The following HHLA2 variants were observed in gnomAD, a reference collection of about 807,000 sequenced individuals.
HHLA2 encodes HHLA2 member of B7 family.
HHLA2 carries 48 observed loss-of-function variants against 45.9 expected under a neutral mutation model. The ratio of observed to expected loss-of-function variants is 1.05; its 90% CI spans 0.83 to 1.33. The LOEUF (loss-of-function observed/expected upper bound fraction) is 1.33, where lower values mean the gene tolerates loss of function less well. Among genes scored for constraint, HHLA2 ranks in the 40% most tolerant of loss-of-function variants. HHLA2 has a pLI of 0.00. For synonymous variants in HHLA2, 161 were observed against 173.9 expected, an observed-to-expected ratio of 0.93 and a Z score of 0.59; for missense variants, 462 against 494.3, an observed-to-expected ratio of 0.93 and a Z score of 0.62.
At chr3:108,343,001 T>C (rs1448981300) in intron 3 of HHLA2, among the ~76,000 whole-genome samples, 1 of 152,174 alleles carries the variant, frequency 6.6e-6, no homozygotes, top group East Asian at 1.9e-4. Flanking sequence ...CAGATGGAGC[T>C]TTCTGAGATT....
chr3:108,311,266 A>G (rs2081014204), intron 2 of HHLA2, among the ~76,000 whole-genome samples: 1 of 152,204 alleles, frequency 6.6e-6, no homozygotes, highest in South Asian at 2.1e-4. Flanking sequence ...AAGTACTGAC[A>G]CAACTTTGCA....
At chr3:108,321,387 T>G (rs1468940439) in intron 2 of HHLA2, among the ~76,000 whole-genome samples, 1 of 152,228 alleles carries the variant, frequency 6.6e-6, no homozygotes, top group Non-Finnish European at 1.5e-5. Context: ...GTTTTTGAGA[T>G]AGTGCATGTC....
chr3:108,371,657 A>G (rs138170706), intron 8 of HHLA2, among the ~76,000 whole-genome samples: 12,098 of 152,222 alleles, frequency 0.079, 658 homozygotes, highest in African/African-American at 0.16. Flanking sequence ...ACAAACAAAA[A>G]AATGCAGGAG....
At chr3:108,336,340 C>T (rs2081471516) in intron 3 of HHLA2, among the ~76,000 whole-genome samples, 1 of 152,056 alleles carries the variant, frequency 6.6e-6, no homozygotes, top group Admixed American at 6.6e-5. Context: ...GAAATACTTT[C>T]CCCACAATTA....
intron 2 of HHLA2, among the ~76,000 whole-genome samples, chr3:108,323,766 T>C (rs952489588): frequency 6.6e-6 from 1 of 152,192 alleles, no homozygotes; most frequent in African/African-American, 2.4e-5. Flanking sequence ...TTTGCTTCCA[T>C]TTTTTAGTAG....
intron 2 of HHLA2, among the ~76,000 whole-genome samples, chr3:108,324,224 G>A (rs1475922144): frequency 1.3e-5 from 2 of 152,088 alleles, no homozygotes; most frequent in Non-Finnish European, 2.9e-5. Flanking sequence ...AGAGGCAGTG[G>A]ACTACATTAA....
chr3:108,366,763 T>C (rs1380245931), intron 8 of HHLA2, among the ~76,000 whole-genome samples: 1 of 152,242 alleles, frequency 6.6e-6, no homozygotes, highest in Admixed American at 6.5e-5. Context: ...TGCTTAGAGG[T>C]GTTTATAGTA....
At chr3:108,314,135 T>G (rs1311286525) in intron 2 of HHLA2, among the ~76,000 whole-genome samples, 2 of 152,172 alleles carry the variant, frequency 1.3e-5, no homozygotes, top group Non-Finnish European at 2.9e-5. Flanking sequence ...TGATTTTTTT[T>G]TATCTTTGTG....
intron 3 of HHLA2, among the ~76,000 whole-genome samples, chr3:108,345,989 A>G (rs2081654842): frequency 6.6e-6 from 1 of 152,034 alleles, no homozygotes; most frequent in Non-Finnish European, 1.5e-5. Flanking sequence ...AGGTGGCTCT[A>G]TTTTCCATTC....
intron 2 of HHLA2, among the ~76,000 whole-genome samples, chr3:108,318,388 C>T (rs1369412162): frequency 6.6e-6 from 1 of 152,164 alleles, no homozygotes; most frequent in Admixed American, 6.5e-5. Context: ...AACATGGTCT[C>T]CTAAATATGT....
intron 2 of HHLA2, among the ~76,000 whole-genome samples, chr3:108,318,187 A>G (rs937788953): frequency 6.6e-5 from 10 of 152,020 alleles, no homozygotes; most frequent in Non-Finnish European, 1.2e-4. Flanking sequence ...TCTCAAAAAA[A>G]AAAAAAAAAA....
chr3:108,329,635 G>T (rs2081349940), intron 3 of HHLA2, among the ~76,000 whole-genome samples: 1 of 152,056 alleles, frequency 6.6e-6, no homozygotes, highest in South Asian at 2.1e-4. Context: ...CAACTGACTG[G>T]GTCCGGTCCA....
At position 108,334,758 on chromosome 3, in the gene HHLA2, G is replaced by T. The variant is rs115903482; in HGVS notation, c.-27+6411G>T. Reference sequence around the variant, plus strand: ...AATGAAATCAAAGATGGTGAGGAGTGCAGGTAACAGCAGAACGTCACTTTC... The same window carrying T: ...AATGAAATCAAAGATGGTGAGGAGTTCAGGTAACAGCAGAACGTCACTTTC... On this transcript the variant is annotated intron_variant, in intron 3 of 10. Transcript: ENST00000619531. Among the ~76,000 whole-genome samples the T allele has an allele frequency of 4.7e-3, 721 of 152,324 alleles. 8 individuals carry two copies. The highest frequency in any genetic ancestry group is 0.017 in the African/African-American group (691 of 41,576).
At chr3:108,353,976 C>A (rs2081838297) in intron 5 of HHLA2, among the ~76,000 whole-genome samples, 196 bp downstream of exon 4, 1 of 152,142 alleles carries the variant, frequency 6.6e-6, no homozygotes, top group African/African-American at 2.4e-5. Flanking sequence ...GGTATTCAGG[C>A]ATTTCCAGTG....
At chr3:108,321,704 GA>G (rs1433792281) in intron 2 of HHLA2, among the ~76,000 whole-genome samples, 2 of 151,800 alleles carry the variant, frequency 1.3e-5, no homozygotes, top group African/African-American at 4.8e-5. Context: ...TATTATTCTG[GA>G]AAATTTTCTT....
chr3:108,301,404 T>C (rs2080846579), intron 1 of HHLA2, among the ~76,000 whole-genome samples: 1 of 152,164 alleles, frequency 6.6e-6, no homozygotes, highest in African/African-American at 2.4e-5. Flanking sequence ...TTTTCCCACT[T>C]TTATTTACGT....
At chr3:108,372,747 T>G (rs183841420) in intron 8 of HHLA2, among the ~76,000 whole-genome samples, 3,471 of 152,088 alleles carry the variant, frequency 0.023, 114 homozygotes, top group African/African-American at 0.079. Flanking sequence ...ATAAATTCCT[T>G]GACACATACA....
chr3:108,341,127 AT>A (rs2081564676), intron 3 of HHLA2, among the ~76,000 whole-genome samples: 1 of 151,614 alleles, frequency 6.6e-6, no homozygotes, highest in Non-Finnish European at 1.5e-5. Flanking sequence ...TAATTTTTGT[AT>A]TTTTGGTAGA....
chr3:108,324,315 C>A (rs976861993), intron 2 of HHLA2, among the ~76,000 whole-genome samples: 5 of 152,106 alleles, frequency 3.3e-5, no homozygotes, highest in African/African-American at 1.2e-4. Context: ...TTTCATATAA[C>A]AAGAGCATTT....
Sources: allele counts gnomAD v4.1 joint callset (sites outside exome capture counted in the v4.1 genomes callset), GRCh38; gene constraint gnomAD v4.1.1; transcripts MANE v1.5; gene names NCBI Gene and HGNC (gene_info 2026-07-23, HGNC 2026-07-21).